The following SNX31 variants were observed in gnomAD, a reference collection of about 807,000 sequenced individuals.
SNX31 encodes sorting nexin-31.
SNX31 carries 58 observed loss-of-function variants against 65.4 expected under a neutral mutation model. The ratio of observed to expected loss-of-function variants is 0.89; its 90% CI spans 0.72 to 1.10. SNX31 has a LOEUF of 1.10. SNX31 is among the 50% of genes least tolerant of loss of function. SNX31 has a pLI of 0.00. For missense variants in SNX31, 523 were observed against 529.7 expected, an observed-to-expected ratio of 0.99 and a Z score of 0.12; for synonymous variants, 181 against 190.1, an observed-to-expected ratio of 0.95 and a Z score of 0.39.
At chr8:100,617,766 C>CA in intron 4 of SNX31, 36 bp from the exon 5 acceptor site, 1 of 1,491,872 alleles carries the variant, frequency 6.7e-7, no homozygotes. Context: ...AATTTCCACA[C>CA]CTTTTTTTTT....
Position 100,573,086 on chromosome 8 carries a change from A to G in SNX31, c.*779T>C, listed in dbSNP as rs1263258560. The G allele has an allele frequency of 6.6e-6, 1 of 152,614 alleles. No homozygotes were observed. The allele number at this position is 152,614 out of a possible 1,614,324, so 9.5% of individuals were successfully genotyped here. A position where few individuals can be genotyped will look rare whatever the true frequency, so the allele number is the denominator to read the frequency against. On this transcript the variant is annotated 3_prime_UTR_variant, in exon 14 of 14. Coordinates refer to ENST00000311812, the MANE Select transcript of SNX31 (RefSeq NM_152628.4). Reference sequence around the variant, plus strand: ...ATAAGGAAAAACCTTGTGAGAAAGTATACATATTTTTAAAGCTAAGAGAAT... The same window carrying G: ...ATAAGGAAAAACCTTGTGAGAAAGTGTACATATTTTTAAAGCTAAGAGAAT...
chr8:100,598,723 A>G (rs866160064), intron 9 of SNX31, among the ~76,000 whole-genome samples: 1 of 149,898 alleles, frequency 6.7e-6, no homozygotes, highest in African/African-American at 2.5e-5. Flanking sequence ...TGTTTATATT[A>G]ATATATTTTC....
At chr8:100,634,605 T>C (rs545701644) in intron 3 of SNX31, among the ~76,000 whole-genome samples, 6 of 151,806 alleles carry the variant, frequency 4.0e-5, no homozygotes, top group Admixed American at 1.3e-4. Context: ...AAAAATTAGC[T>C]GAGCATGGTG....
chr8:100,577,027 G>C lies in SNX31; in HGVS notation c.1219C>G (p.Gln407Glu). ...QSKSKKYHIQQSQQKDYSSFL... is the reference protein window; with the variant it reads ...QSKSKKYHIQESQQKDYSSFL... ...TAATTTTACTCACAGACCTGGCTTTGTTGAATGTGGTATTTTTTACTTTTG... is the reference window on the plus strand; with the variant it reads ...TAATTTTACTCACAGACCTGGCTTTCTTGAATGTGGTATTTTTTACTTTTG... Residue 407 changes from glutamine to glutamate, a missense_variant, in exon 13 of 14, where the codon CAA (glutamine) becomes GAA (glutamate). Transcript: ENST00000311812. 1 of 1,612,972 alleles carries C rather than the reference G, an allele frequency of 6.2e-7. No individual in the cohort carries two copies. Among genetic ancestry groups the C allele is most frequent in the East Asian group, 2.2e-5 (1 of 44,828 alleles).
chr8:100,627,489 G>A (rs1437913110), intron 4 of SNX31, among the ~76,000 whole-genome samples: 1 of 152,194 alleles, frequency 6.6e-6, no homozygotes. Flanking sequence ...ACGATTACAT[G>A]TGCAGATATA....
At chr8:100,581,340 T>G (rs1813523644) in intron 12 of SNX31, among the ~76,000 whole-genome samples, 2 of 122,030 alleles carry the variant, frequency 1.6e-5, no homozygotes. Flanking sequence ...TATCTATCTA[T>G]ATATATATAT....
At chr8:100,640,318 G>T (rs1354388960) in intron 2 of SNX31, among the ~76,000 whole-genome samples, 1 of 152,140 alleles carries the variant, frequency 6.6e-6, no homozygotes, top group Non-Finnish European at 1.5e-5. Flanking sequence ...TAGAGACGGG[G>T]TTTCTCCATG....
rs1818737350 is a variant in SNX31 at position 100,635,896 on chromosome 8, C to A, written c.256+1G>T. ...TTTTAAAAAACCCTGCAAATACATA[C>A]CATTTTGCAAATATTGTTCCAGTTG... On this transcript the variant is annotated splice_donor_variant, in intron 3 of 13. Transcript: ENST00000311812. LOFTEE classifies it high-confidence loss of function. 6.2e-7 allele frequency: 1 copy of A among 1,605,146 alleles called. No homozygotes were observed. The highest frequency in any genetic ancestry group is 8.5e-7 in the Non-Finnish European group (1 of 1,172,018).
At position 100,596,786 on chromosome 8, in the gene SNX31, A is replaced by C. The variant is rs139602322; in HGVS notation, c.831T>G (p.Cys277Trp). 1.2e-4 allele frequency: 201 copies of C among 1,614,074 alleles called. 1 individual carries two copies. The African/African-American group carries it at 2.2e-3, about 18-fold the overall frequency. ...RHYGYLQLDP[C>W]TCDYPESGSG... ...AGCCTGATTCTGGGTAGTCACAGGTACAAGGATCCAGCTGCAGGTATCCAT... is the reference window on the plus strand; with the variant it reads ...AGCCTGATTCTGGGTAGTCACAGGTCCAAGGATCCAGCTGCAGGTATCCAT... Residue 277 changes from cysteine (C) to tryptophan (W), a missense_variant, in exon 10 of 14, where the codon TGT becomes TGG. Transcript: ENST00000311812.
intron 2 of SNX31, among the ~76,000 whole-genome samples, chr8:100,647,189 T>C (rs1819699223): frequency 6.6e-6 from 1 of 152,192 alleles, no homozygotes; most frequent in Admixed American, 6.5e-5. Flanking sequence ...TAAATATTCA[T>C]ATGCGATATA....
chr8:100,633,155 C>G (rs1209588871), intron 3 of SNX31, among the ~76,000 whole-genome samples: 1 of 151,512 alleles, frequency 6.6e-6, no homozygotes, highest in Non-Finnish European at 1.5e-5. Flanking sequence ...CCTTGAACTC[C>G]TGGGCTCAAG....
chr8:100,600,904 C>T (rs1011701639), intron 8 of SNX31, among the ~76,000 whole-genome samples: 2 of 151,894 alleles, frequency 1.3e-5, no homozygotes. Context: ...AATGGAAAAA[C>T]AAGGAAAATG....
At chr8:100,581,311 T>TATA (rs56949626) in intron 12 of SNX31, among the ~76,000 whole-genome samples, 77 of 122,674 alleles carry the variant, frequency 6.3e-4, no homozygotes, top group African/African-American at 3.5e-3. Context: ...AAAAAATTTT[T>TATA]TATATATCTA....
intron 7 of SNX31, among the ~76,000 whole-genome samples, chr8:100,611,020 C>T (rs1332288275): frequency 6.6e-6 from 1 of 152,142 alleles, no homozygotes; most frequent in African/African-American, 2.4e-5. Flanking sequence ...CTGCTCAGCG[C>T]TATTTTCTAT....
rs1818072988 is a variant in SNX31, at chr8:100,626,829, G to A, written c.321+3498C>T. Among the ~76,000 whole-genome samples the A allele has an allele frequency of 1.3e-5, 2 of 152,072 alleles. No individual in the cohort carries two copies. Among genetic ancestry groups the A allele is most frequent in the South Asian group, 2.1e-4 (1 of 4,832 alleles). ...TGAAGACCTCAAAGAATAGATAAAA[G>A]CCTCAAGAAATAAGATAACAAAAGG... On this transcript the variant is annotated intron_variant, in intron 4 of 13. Coordinates refer to ENST00000311812, the MANE Select transcript of SNX31 (RefSeq NM_152628.4). This position sits in a 1 kb window ranked among gnomAD's most constrained non-coding sequence, Gnocchi z 4.4.
At chr8:100,643,263 T>C (rs1457409957) in intron 2 of SNX31, among the ~76,000 whole-genome samples, 1 of 152,182 alleles carries the variant, frequency 6.6e-6, no homozygotes, top group African/African-American at 2.4e-5. Flanking sequence ...TACCCCTTCG[T>C]ACAGCTCTGC....
chr8:100,636,190 A>G (rs1049823363), intron 2 of SNX31, among the ~76,000 whole-genome samples, 179 bp from the exon 3 acceptor site: 1 of 152,264 alleles, frequency 6.6e-6, no homozygotes, highest in African/African-American at 2.4e-5. Flanking sequence ...AATTTATTTC[A>G]GTATATATTC....
At chr8:100,595,293 C>A (rs976214871) in intron 10 of SNX31, among the ~76,000 whole-genome samples, 4 of 149,578 alleles carry the variant, frequency 2.7e-5, no homozygotes, top group African/African-American at 9.9e-5. Flanking sequence ...GCTGTGAGTG[C>A]GGAGATAGAG....
chr8:100,607,295 G>A (rs960465387), intron 8 of SNX31, among the ~76,000 whole-genome samples: 27 of 152,216 alleles, frequency 1.8e-4, no homozygotes, highest in East Asian at 5.8e-4. Flanking sequence ...TCAGGTCTCC[G>A]AAGATGGCGG....
Sources: gnomAD v4.1 joint callset for allele counts (sites outside exome capture counted in the v4.1 genomes callset) on GRCh38, gnomAD v4.1.1 for gene constraint, Gnocchi (gnomAD v3.1) non-coding constraint, MANE v1.5 for transcripts, NCBI Gene and HGNC (gene_info 2026-07-23, HGNC 2026-07-21) for gene names.